USP48: variants seen among roughly 807,000 people sequenced by gnomAD.
The protein encoded by USP48 is ubiquitin carboxyl-terminal hydrolase 48.
USP48 carries 43 observed loss-of-function variants against 150.7 expected under a neutral mutation model. The observed-to-expected ratio is 0.29, with a 90% CI of 0.22 to 0.37. The LOEUF (loss-of-function observed/expected upper bound fraction) is 0.37. Among genes scored for constraint, USP48 ranks in the 10% least tolerant of loss-of-function variants. USP48 has a pLI of 1.00. For synonymous variants in USP48, 396 were observed against 425.9 expected (o/e 0.93, Z 0.86); for missense variants, 813 against 1,249.6 (o/e 0.65, Z 5.27).
At chr1:21,732,593 A>G (rs2097759600) in intron 9 of USP48, 1 of 214,584 alleles carries the variant, frequency 4.7e-6, no homozygotes, top group South Asian at 5.4e-5. Flanking sequence ...AATATTCATA[A>G]TTTTAAAAAC....
chr1:21,734,100 T>C (rs1217445732), intron 9 of USP48, among the ~76,000 whole-genome samples: 1 of 152,244 alleles, frequency 6.6e-6, no homozygotes, highest in Non-Finnish European at 1.5e-5. Flanking sequence ...AGAAATGTTA[T>C]TTAAAAGTAG....
intron 1 of USP48, among the ~76,000 whole-genome samples, chr1:21,772,647 C>A (rs1481814175): frequency 2.7e-5 from 4 of 150,492 alleles, no homozygotes; most frequent in East Asian, 3.9e-4. Context: ...CTAGGCCAGG[C>A]GTGGTGGCTC....
intron 1 of USP48, among the ~76,000 whole-genome samples, chr1:21,770,481 CTTTTTTT>C (rs548583450): frequency 8.6e-6 from 1 of 115,844 alleles, no homozygotes; most frequent in East Asian, 2.4e-4. Flanking sequence ...AATCAAGTGT[CTTTTTTT>C]TTTTTTTTTT....
chr1:21,705,955 G>T, intron 18 of USP48, 118 bp from the exon 19 acceptor site: 2 of 1,031,554 alleles, frequency 1.9e-6, no homozygotes, highest in Admixed American at 3.6e-5. Context: ...GTAATTCAAT[G>T]TGTTTCTTAG....
chr1:21,695,875 A>T (rs997298095), intron 22 of USP48, among the ~76,000 whole-genome samples: 4 of 152,194 alleles, frequency 2.6e-5, no homozygotes, highest in African/African-American at 9.7e-5. Flanking sequence ...AATATGGAAC[A>T]TTAATAAAAA....
At chr1:21,713,595 G>A (rs2097696248) in intron 15 of USP48, among the ~76,000 whole-genome samples, 1 of 152,152 alleles carries the variant, frequency 6.6e-6, no homozygotes, top group Non-Finnish European at 1.5e-5. Flanking sequence ...TGTTTCAAGT[G>A]GTAGCACCAA....
intron 9 of USP48, among the ~76,000 whole-genome samples, chr1:21,730,381 G>A (rs188390426): frequency 2.1e-3 from 316 of 152,172 alleles, no homozygotes; most frequent in Admixed American, 5.4e-3. Flanking sequence ...GGCAGAGGTT[G>A]CAGTGAGCCG....
Position 21,706,606 on chromosome 1 carries a change from C to T in USP48, c.2089-17G>A, listed in dbSNP as rs570055627. 6.2e-7 allele frequency: 1 copy of T among 1,614,084 alleles called. No individual in the cohort carries two copies. Among genetic ancestry groups the T allele is most frequent in the South Asian group, 1.1e-5 (1 of 91,080 alleles). On this transcript the variant is annotated splice_polypyrimidine_tract_variant and intron_variant, in intron 16 of 26. Transcript: ENST00000308271. Reference sequence around the variant, plus strand: ...TTCTAAAATCTGAAAGAGAATGAAGCAATCAACTGTCTCCTGCTGACAGCA... The same window carrying T: ...TTCTAAAATCTGAAAGAGAATGAAGTAATCAACTGTCTCCTGCTGACAGCA...
At chr1:21,729,558 T>A (rs1386707324) in intron 10 of USP48, 146 bp downstream of exon 10, 1 of 1,005,990 alleles carries the variant, frequency 9.9e-7, no homozygotes, top group Admixed American at 3.1e-5. Flanking sequence ...TAAAAGTAAA[T>A]TTGCAATTAA....
At chr1:21,764,935 T>G (rs2097858300) in intron 1 of USP48, among the ~76,000 whole-genome samples, 1 of 152,120 alleles carries the variant, frequency 6.6e-6, no homozygotes, top group South Asian at 2.1e-4. Flanking sequence ...ACTTAGTCAC[T>G]TCAGAGATCC....
chr1:21,717,511 G>A (rs2097708017), intron 14 of USP48, among the ~76,000 whole-genome samples: 1 of 151,930 alleles, frequency 6.6e-6, no homozygotes, highest in African/African-American at 2.4e-5. Flanking sequence ...GGCAAAGGAA[G>A]GATACAACCA....
intron 1 of USP48, among the ~76,000 whole-genome samples, chr1:21,769,350 C>A (rs1414853211): frequency 1.3e-5 from 2 of 150,346 alleles, no homozygotes; most frequent in East Asian, 3.9e-4. Flanking sequence ...AACTTACGAA[C>A]ACAAAGAACA....
chr1:21,706,698 A>G, intron 16 of USP48, 46 bp downstream of exon 16: 2 of 1,610,102 alleles, frequency 1.2e-6, no homozygotes, highest in Non-Finnish European at 1.7e-6. Flanking sequence ...AAGTCAACCC[A>G]GGGAGGTGGC....
intron 17 of USP48, 43 bp downstream of exon 17, chr1:21,706,424 A>T (rs775642853): frequency 3.1e-6 from 5 of 1,611,664 alleles, no homozygotes; most frequent in Admixed American, 1.7e-5. Flanking sequence ...CAAGGGCTTT[A>T]AAAAGAAAAG....
rs1054916625 is a variant in USP48, at chr1:21,678,973, T to C, written c.*444A>G. ...AAGACAGGCATTGGTAAGCAGGTTA[T>C]GTCTCTAAAATTACTTTTCGTTCAG... is the stretch of plus-strand genomic sequence containing the variant. On this transcript the variant is annotated 3_prime_UTR_variant, in exon 27 of 27. Coordinates refer to ENST00000308271, the MANE Select transcript of USP48 (RefSeq NM_032236.8). 3 of 210,114 alleles carry C rather than the reference T, an allele frequency of 1.4e-5. No individual in the cohort carries two copies. The highest frequency in any genetic ancestry group is 2.4e-5 in the African/African-American group (1 of 42,022). 13.0% of individuals were successfully genotyped at this position (210,114 alleles called of 1,614,324 possible).
At chr1:21,754,762 T>C (rs2097827172) in intron 3 of USP48, among the ~76,000 whole-genome samples, 1 of 152,158 alleles carries the variant, frequency 6.6e-6, no homozygotes, top group Admixed American at 6.5e-5. Flanking sequence ...AGGCATTTCC[T>C]CTCGAATGAC....
At chr1:21,700,923 G>A (rs898845040) in intron 22 of USP48, among the ~76,000 whole-genome samples, 1 of 152,064 alleles carries the variant, frequency 6.6e-6, no homozygotes, top group African/African-American at 2.4e-5. Flanking sequence ...AAATTAGCCA[G>A]GAGTGGTGGC....
intron 23 of USP48, among the ~76,000 whole-genome samples, chr1:21,694,572 C>CAAAAAAAAAAAAAAAAAAAAA (rs1204062748): frequency 3.3e-4 from 4 of 12,024 alleles, no homozygotes; most frequent in African/African-American, 1.8e-3. Flanking sequence ...TCTGTCTCAC[C>CAAAAAAAAAAAAAAAAAAAAA]AAAAAAAAAA....
At chr1:21,721,291 T>C in intron 13 of USP48, 125 bp from the exon 14 acceptor site, 1 of 1,334,612 alleles carries the variant, frequency 7.5e-7, no homozygotes, top group South Asian at 1.5e-5. Flanking sequence ...TACATGTAAT[T>C]GATTTTAACC....
Sources: gnomAD v4.1 joint callset for allele counts (sites outside exome capture counted in the v4.1 genomes callset) on GRCh38, gnomAD v4.1.1 for gene constraint, MANE v1.5 for transcripts, NCBI Gene and HGNC (gene_info 2026-07-23, HGNC 2026-07-21) for gene names.